Variants in TRIM24 observed in about 807,000 individuals in gnomAD.
The protein encoded by TRIM24 is tripartite motif containing 24, also known as transcription intermediary factor 1-alpha.
TRIM24 carries 29 observed loss-of-function variants against 123.9 expected under a neutral mutation model. That is an observed-to-expected ratio of 0.23 (90% CI 0.17 to 0.32). The LOEUF (loss-of-function observed/expected upper bound fraction) is 0.32. TRIM24 is among the 10% of genes least tolerant of loss of function. TRIM24 has a pLI of 1.00. For missense variants in TRIM24, 932 were observed against 1,295.3 expected, an observed-to-expected ratio of 0.72 and a Z score of 4.31; for synonymous variants, 456 against 461.1, an observed-to-expected ratio of 0.99 and a Z score of 0.14.
chr7:138,488,260 TTCTA>T (rs1290187877), intron 1 of TRIM24, among the ~76,000 whole-genome samples: 1 of 151,914 alleles, frequency 6.6e-6, no homozygotes, highest in African/African-American at 2.4e-5. Context: ...CTTGGTAGTG[TTCTA>T]TCTATTTTGT....
intron 1 of TRIM24, among the ~76,000 whole-genome samples, chr7:138,503,427 AG>A (rs1210925619): frequency 6.6e-6 from 1 of 152,006 alleles, no homozygotes; most frequent in East Asian, 1.9e-4. Flanking sequence ...TTTATTTCTA[AG>A]TACTTAATAT....
intron 5 of TRIM24, among the ~76,000 whole-genome samples, chr7:138,528,263 A>G (rs77091064): frequency 0.022 from 3,315 of 152,334 alleles, 103 homozygotes; most frequent in African/African-American, 0.073. Context: ...ATAGAAAACA[A>G]GAATCTATAA....
intron 7 of TRIM24, among the ~76,000 whole-genome samples, chr7:138,548,613 T>G (rs898958306): frequency 6.6e-6 from 1 of 152,166 alleles, no homozygotes; most frequent in Non-Finnish European, 1.5e-5. Flanking sequence ...TTGAAAATAT[T>G]TTTTCTTCAA....
chr7:138,540,022 G>C (rs767113068), intron 7 of TRIM24, among the ~76,000 whole-genome samples: 2 of 152,074 alleles, frequency 1.3e-5, no homozygotes, highest in African/African-American at 4.8e-5. Context: ...GGATGGTCCC[G>C]ATCTCCTGAG....
Position 138,585,201 on chromosome 7 carries a change from G to T in TRIM24, c.*250G>T, listed in dbSNP as rs1797989603. The stretch of plus-strand genomic sequence containing the variant: ...AAGGAAAAAAGGAGGATAGAAAAAG[G>T]ATGGAAGAAAGAAGCATTGAAAACA... On this transcript the variant is annotated 3_prime_UTR_variant, in exon 19 of 19. Coordinates refer to ENST00000343526, the MANE Select transcript of TRIM24 (RefSeq NM_015905.3). 2 of 329,064 alleles carry T rather than the reference G, an allele frequency of 6.1e-6. No homozygotes were observed. The highest frequency in any genetic ancestry group is 1.7e-4 in the South Asian group (2 of 11,970). 20.4% of individuals were successfully genotyped at this position (329,064 alleles called of 1,614,324 possible).
At chr7:138,566,721 A>G (rs1219097555) in intron 9 of TRIM24, among the ~76,000 whole-genome samples, 1 of 152,208 alleles carries the variant, frequency 6.6e-6, no homozygotes, top group Admixed American at 6.5e-5. Flanking sequence ...TTTGCAAAAC[A>G]AAGGTAATAA....
At chr7:138,508,728 T>TGTGTGTGTGC (rs1554436760) in intron 2 of TRIM24, among the ~76,000 whole-genome samples, 3 of 136,404 alleles carry the variant, frequency 2.2e-5, no homozygotes, top group African/African-American at 8.0e-5. Context: ...TGCGTGTGTG[T>TGTGTGTGTGC]GTGTGTGTGT....
chr7:138,538,967 G>T (rs1459105828), intron 7 of TRIM24, among the ~76,000 whole-genome samples, 164 bp downstream of exon 7: 1 of 151,622 alleles, frequency 6.6e-6, no homozygotes, highest in Non-Finnish European at 1.5e-5. Context: ...GCATAATTTG[G>T]GTGTAATTTC....
At chr7:138,471,318 C>A (rs552292279) in intron 1 of TRIM24, among the ~76,000 whole-genome samples, 1 of 152,222 alleles carries the variant, frequency 6.6e-6, no homozygotes, top group Admixed American at 6.5e-5. Flanking sequence ...ATGTACAGTA[C>A]ATGTTCAAAT....
chr7:138,559,140 T>C (rs942804218), intron 9 of TRIM24, among the ~76,000 whole-genome samples: 1 of 152,144 alleles, frequency 6.6e-6, no homozygotes, highest in Non-Finnish European at 1.5e-5. Flanking sequence ...GGTCCTAACA[T>C]ATGTAGGGCT....
intron 9 of TRIM24, among the ~76,000 whole-genome samples, chr7:138,567,183 A>G (rs1234300224): frequency 6.6e-6 from 1 of 152,218 alleles, no homozygotes; most frequent in African/African-American, 2.4e-5. Flanking sequence ...TACCAAAGAC[A>G]CATTTTATTT....
Position 138,525,251 on chromosome 7 carries a change from A to G in TRIM24, c.775A>G (p.Ile259Val). The G allele has an allele frequency of 6.7e-7, 1 of 1,483,546 alleles. No homozygotes were observed. Among genetic ancestry groups the G allele is most frequent in the Non-Finnish European group, 8.9e-7 (1 of 1,117,850 alleles). The allele number at this position is 1,483,546 out of a possible 1,614,324, so 91.9% of individuals were successfully genotyped here. The stretch of plus-strand genomic sequence containing the variant: ...TGCTTATTTCTTCAGATACCAATTT[A>G]TAGAAGAAGCTTTTCAGAATCAGAA... The part of the protein sequence containing the change: ...LEHKEHRYQF[I>V]EEAFQNQKVI... The change falls in exon 5 of 19, where the codon ATA (isoleucine) becomes GTA (valine). Residue 259 changes from isoleucine (I) to valine (V), a missense_variant. By Grantham distance (29) the Ile-to-Val change is conservative (BLOSUM62 3). Around this residue, in one of 7 missense-constraint regions of TRIM24, gnomAD observed 527 missense variants for 691.3 expected, o/e 0.76. Transcript: ENST00000343526.
intron 2 of TRIM24, among the ~76,000 whole-genome samples, chr7:138,512,085 A>C (rs755106690): frequency 5.3e-5 from 8 of 152,180 alleles, no homozygotes; most frequent in Non-Finnish European, 1.0e-4. Context: ...TAAATCTTAA[A>C]GCTCCAAAAT....
chr7:138,506,263 T>G (rs761613649), intron 2 of TRIM24, among the ~76,000 whole-genome samples: 27 of 152,216 alleles, frequency 1.8e-4, no homozygotes, highest in Non-Finnish European at 3.1e-4. Context: ...AACTTTCTAA[T>G]TGTTTAATTG....
chr7:138,521,054 AG>A (rs1796495120), intron 4 of TRIM24, among the ~76,000 whole-genome samples: 1 of 152,262 alleles, frequency 6.6e-6, no homozygotes, highest in Non-Finnish European at 1.5e-5. Context: ...AAGTGCAAAA[AG>A]AAAGTAACTT....
chr7:138,541,911 T>C (rs1352099803), intron 7 of TRIM24, among the ~76,000 whole-genome samples: 1 of 152,210 alleles, frequency 6.6e-6, no homozygotes, highest in Non-Finnish European at 1.5e-5. Flanking sequence ...ATGGTTTCTT[T>C]CCATAAATCT....
intron 1 of TRIM24, among the ~76,000 whole-genome samples, chr7:138,497,687 G>A (rs1030908405): frequency 8.6e-5 from 13 of 151,568 alleles, no homozygotes; most frequent in Non-Finnish European, 1.5e-5. Context: ...GAATCACCGC[G>A]CCCAGCCTGT....
chr7:138,557,198 A>G (rs1344785435), intron 9 of TRIM24, among the ~76,000 whole-genome samples: 5 of 152,136 alleles, frequency 3.3e-5, no homozygotes, highest in Admixed American at 6.5e-5. Flanking sequence ...TAGTGTTTTC[A>G]AGGCTTTGTC....
intron 4 of TRIM24, among the ~76,000 whole-genome samples, chr7:138,524,524 G>A (rs1796570609): frequency 6.6e-6 from 1 of 152,114 alleles, no homozygotes; most frequent in South Asian, 2.1e-4. Context: ...TTAGTTACAT[G>A]TAAACATTTA....
Sources: gnomAD v4.1 joint callset for allele counts (sites outside exome capture counted in the v4.1 genomes callset) on GRCh38, gnomAD v4.1.1 for gene constraint, gnomAD v4.1.1 regional missense constraint, MANE v1.5 for transcripts, NCBI Gene and HGNC (gene_info 2026-07-23, HGNC 2026-07-21) for gene names.